BCAS3: variants seen among roughly 807,000 people sequenced by gnomAD.
BCAS3 encodes BCAS3 microtubule associated cell migration factor, also known as BCAS4/BCAS3 fusion.
BCAS3 carries 53 observed loss-of-function variants against 116.1 expected under a neutral mutation model. That is an observed-to-expected ratio of 0.46 (90% confidence interval 0.37 to 0.57). The LOEUF (loss-of-function observed/expected upper bound fraction) is 0.57, where lower values mean the gene tolerates loss of function less well. Among genes scored for constraint, BCAS3 ranks in the 20% least tolerant of loss-of-function variants. BCAS3 has a pLI of 0.00. For missense variants in BCAS3, 917 were observed against 1,165.4 expected (o/e 0.79, Z 3.10); for synonymous variants, 391 against 408.2 (o/e 0.96, Z 0.51).
At chr17:61,114,514 T>G (rs1456735399) in intron 22 of BCAS3, among the ~76,000 whole-genome samples, 3 of 150,772 alleles carry the variant, frequency 2.0e-5, no homozygotes, top group Non-Finnish European at 4.4e-5. Context: ...ATAAAATACC[T>G]AGGAATACAA....
At chr17:61,123,808 T>C (rs1365063706) in intron 22 of BCAS3, among the ~76,000 whole-genome samples, 1 of 152,222 alleles carries the variant, frequency 6.6e-6, no homozygotes, top group Non-Finnish European at 1.5e-5. Context: ...TTGATTCTCA[T>C]TGGCATATAT....
intron 4 of BCAS3, among the ~76,000 whole-genome samples, chr17:60,703,871 G>A (rs1011758727): frequency 1.3e-5 from 2 of 149,546 alleles, no homozygotes; most frequent in Non-Finnish European, 3.0e-5. Context: ...CCGAGATCAT[G>A]CCGCTGCACT....
chr17:60,868,460 A>G (rs1028020410), intron 7 of BCAS3, 116 bp from the exon 8 acceptor site: 41 of 537,546 alleles, frequency 7.6e-5, no homozygotes, highest in Non-Finnish European at 1.2e-4. Flanking sequence ...TTTTGAATCA[A>G]TTTACTAATA....
intron 5 of BCAS3, among the ~76,000 whole-genome samples, chr17:60,744,589 C>T (rs1036915592): frequency 6.6e-6 from 1 of 152,108 alleles, no homozygotes; most frequent in African/African-American, 2.4e-5. Flanking sequence ...TTTTGTGACT[C>T]ACATAGGATA....
At chr17:61,167,627 T>C (rs2144097989) in intron 22 of BCAS3, among the ~76,000 whole-genome samples, 1 of 152,348 alleles carries the variant, frequency 6.6e-6, no homozygotes, top group East Asian at 1.9e-4. Context: ...GTTTACAGTG[T>C]AATAGGGTAG....
At chr17:60,921,280 CA>C (rs2059068626) in intron 12 of BCAS3, among the ~76,000 whole-genome samples, 1 of 152,084 alleles carries the variant, frequency 6.6e-6, no homozygotes, top group Non-Finnish European at 1.5e-5. Flanking sequence ...AGCTGGAGGC[CA>C]AAACCTTAAG....
Position 60,977,082 on chromosome 17 carries a change from G to A in BCAS3, c.1222-12889G>A, listed in dbSNP as rs185663668. On this transcript the variant is annotated intron_variant, in intron 14 of 23. Transcript: ENST00000407086. ...GGGCGGGGGCTGCCCTGCACCTCCC[G>A]GACGGGGTGGCTGGCCGGGCGGGGG... Among the ~76,000 whole-genome samples the A allele has an allele frequency of 9.8e-3, 1,482 of 151,562 alleles. 32 individuals carry two copies. The highest frequency in any genetic ancestry group is 0.034 in the African/African-American group (1,416 of 41,318).
chr17:60,776,545 C>T (rs2045303733), intron 6 of BCAS3, among the ~76,000 whole-genome samples: 1 of 151,774 alleles, frequency 6.6e-6, no homozygotes, highest in Admixed American at 6.6e-5. Flanking sequence ...ATAGTGAAAA[C>T]CCATCTCTAC....
At chr17:60,724,493 G>A (rs2039614469) in intron 5 of BCAS3, among the ~76,000 whole-genome samples, 1 of 151,344 alleles carries the variant, frequency 6.6e-6, no homozygotes, top group African/African-American at 2.4e-5. Context: ...GGGAGGCGGA[G>A]GCGGTCTTAT....
chr17:60,718,101 T>G (rs1280828920), intron 5 of BCAS3, among the ~76,000 whole-genome samples: 1 of 152,222 alleles, frequency 6.6e-6, no homozygotes, highest in Non-Finnish European at 1.5e-5. Context: ...GGCAGTAATG[T>G]GCGCGATGGA....
At chr17:60,955,573 G>A (rs924988361) in intron 14 of BCAS3, among the ~76,000 whole-genome samples, 2 of 151,738 alleles carry the variant, frequency 1.3e-5, no homozygotes, top group African/African-American at 4.9e-5. Flanking sequence ...AGTAGAGATG[G>A]GGTTTCACCA....
intron 7 of BCAS3, among the ~76,000 whole-genome samples, chr17:60,853,218 A>G (rs1039227745): frequency 1.3e-5 from 2 of 152,218 alleles, no homozygotes; most frequent in African/African-American, 2.4e-5. Context: ...TAACTATATA[A>G]TGAAACTGTG....
In BCAS3 at chr17:61,211,130, G is replaced by A. The variant is rs1396972468; in HGVS notation, c.2425+126566G>A. Among the ~76,000 whole-genome samples, 3 of 152,138 alleles carry A rather than the reference G, an allele frequency of 2.0e-5. No individual in the cohort carries two copies. Among genetic ancestry groups the A allele is most frequent in the Non-Finnish European group, 4.4e-5 (3 of 68,036 alleles). On this transcript the variant is annotated intron_variant, in intron 22 of 23. Transcript: ENST00000407086. This position sits in a 1 kb window ranked among gnomAD's most constrained non-coding sequence, Gnocchi z 4.4. ...CAGTTGCAGATAGTAATGTTTGGAG[G>A]CATGCTCAGTTATTCAGAAGAAATG...
Position 61,249,437 on chromosome 17 carries a change from C to T in BCAS3, c.2426-118890C>T, listed in dbSNP as rs1275822743. Reference sequence around the variant, plus strand: ...TAGGATGAGAAAAGTTAATTTTAATCCTCCAAAGGCTTATTTGCTAGCACA... The same window carrying T: ...TAGGATGAGAAAAGTTAATTTTAATTCTCCAAAGGCTTATTTGCTAGCACA... On this transcript the variant is annotated intron_variant, in intron 22 of 23. Coordinates refer to ENST00000407086, the MANE Select transcript of BCAS3 (RefSeq NM_017679.5). The surrounding 1 kb of genome is among the most constrained non-coding windows in gnomAD (Gnocchi z 6.2). Among the ~76,000 whole-genome samples, 1 of 152,124 alleles carries T rather than the reference C, an allele frequency of 6.6e-6. No homozygotes were observed. The highest frequency in any genetic ancestry group is 1.9e-4 in the East Asian group (1 of 5,198).
intron 15 of BCAS3, among the ~76,000 whole-genome samples, chr17:61,005,903 T>C (rs2064659989): frequency 1.3e-5 from 2 of 151,934 alleles, no homozygotes; most frequent in Non-Finnish European, 2.9e-5. Flanking sequence ...CCCACTAACT[T>C]GTCATCTAGC....
In BCAS3 at chr17:60,987,103, T is replaced by C. The variant is rs575607161; in HGVS notation, c.1222-2868T>C. ...TTGAAGAGACTATGTTTCCCCAATA[T>C]ATGTTATTGACGTCTTTGTTGAAAA... On this transcript the variant is annotated intron_variant, in intron 14 of 23. Coordinates refer to ENST00000407086, the MANE Select transcript of BCAS3 (RefSeq NM_017679.5). 2.6e-5 allele frequency: 4 copies of C among 152,224 alleles called. No homozygotes were observed. In the South Asian group the frequency reaches 8.3e-4, roughly 32 times the overall value. 9.4% of individuals were successfully genotyped at this position (152,224 alleles called of 1,614,324 possible). A position where few individuals can be genotyped will look rare whatever the true frequency, so the allele number is the denominator to read the frequency against.
intron 16 of BCAS3, among the ~76,000 whole-genome samples, chr17:61,022,021 C>T (rs926133383): frequency 2.6e-5 from 4 of 152,176 alleles, no homozygotes; most frequent in Middle Eastern, 6.8e-3. Context: ...AGTACCAGTT[C>T]TTCATAGCTA....
At chr17:61,090,145 A>G (rs539732709) in intron 22 of BCAS3, among the ~76,000 whole-genome samples, 1 of 152,208 alleles carries the variant, frequency 6.6e-6, no homozygotes, top group Non-Finnish European at 1.5e-5. Flanking sequence ...AAGAGTCCCT[A>G]TGCAAAACTT....
intron 22 of BCAS3, among the ~76,000 whole-genome samples, chr17:61,314,300 G>A (rs1407460568): frequency 6.6e-6 from 1 of 152,130 alleles, no homozygotes; most frequent in African/African-American, 2.4e-5. Flanking sequence ...AAAAGCCCTC[G>A]GTCCTTCTCC....
Sources: gnomAD v4.1 joint callset for allele counts (sites outside exome capture counted in the v4.1 genomes callset) on GRCh38, gnomAD v4.1.1 for gene constraint, Gnocchi (gnomAD v3.1) non-coding constraint, MANE v1.5 for transcripts, NCBI Gene and HGNC (gene_info 2026-07-23, HGNC 2026-07-21) for gene names.